The following NRG3 variants were observed in gnomAD, a reference collection of about 807,000 sequenced individuals.
NRG3 encodes pro-neuregulin-3, membrane-bound isoform.
NRG3 carries 31 observed loss-of-function variants against 66.9 expected under a neutral mutation model. That is an observed-to-expected ratio of 0.46 (90% confidence interval 0.35 to 0.63). The LOEUF is 0.63. NRG3 is among the 20% of genes least tolerant of loss of function. NRG3 has a pLI of 0.00. For missense variants in NRG3, 910 were observed against 878.9 expected, an observed-to-expected ratio of 1.04 and a Z score of -0.45; for synonymous variants, 393 against 359.4, an observed-to-expected ratio of 1.09 and a Z score of -1.06.
intron 1 of NRG3, among the ~76,000 whole-genome samples, chr10:82,237,827 T>C (rs1428219462): frequency 6.6e-6 from 1 of 152,196 alleles, no homozygotes; most frequent in Non-Finnish European, 1.5e-5. Flanking sequence ...AAATGATGCT[T>C]TTTCCAAATC....
chr10:81,938,637 GTGTGCA>G (rs1166245555), intron 1 of NRG3, among the ~76,000 whole-genome samples: 4 of 151,214 alleles, frequency 2.6e-5, no homozygotes, highest in Admixed American at 6.6e-5. Context: ...GTGTGTGTGT[GTGTGCA>G]TGCATGCATG....
At position 82,250,134 on chromosome 10, in the gene NRG3, A is replaced by C. The variant is rs940068423; in HGVS notation, c.824-108605A>C. Among the ~76,000 whole-genome samples, 7 of 152,218 alleles carry C rather than the reference A, an allele frequency of 4.6e-5. No homozygotes were observed. The East Asian group carries it at 1.3e-3, about 29-fold the overall frequency. ...AACATTTGACACTTTAGTAGTTTAT[A>C]AAGATAACCCAGGAAATAAAATTTC... is the stretch of plus-strand genomic sequence containing the variant. On this transcript the variant is annotated intron_variant, in intron 1 of 8. Coordinates refer to ENST00000372141, the MANE Select transcript of NRG3 (RefSeq NM_001010848.4).
chr10:82,595,896 A>G (rs1043185407), intron 2 of NRG3, among the ~76,000 whole-genome samples: 2 of 152,164 alleles, frequency 1.3e-5, no homozygotes, highest in African/African-American at 2.4e-5. Context: ...CTAGCCAACT[A>G]GGGACAGTTT....
At chr10:82,959,687 T>A (rs1850421241) in intron 6 of NRG3, among the ~76,000 whole-genome samples, 1 of 152,140 alleles carries the variant, frequency 6.6e-6, no homozygotes, top group Admixed American at 6.5e-5. Context: ...GCATGTTATG[T>A]TCAGAGAACT....
chr10:82,002,585 G>T (rs907261176), intron 1 of NRG3, among the ~76,000 whole-genome samples: 2 of 152,178 alleles, frequency 1.3e-5, no homozygotes, highest in Non-Finnish European at 2.9e-5. Context: ...CATGGTCCCA[G>T]TAAACCTTCC....
At chr10:82,084,495 A>G (rs1321150523) in intron 1 of NRG3, among the ~76,000 whole-genome samples, 3 of 118,538 alleles carry the variant, frequency 2.5e-5, no homozygotes, top group Non-Finnish European at 5.2e-5. Flanking sequence ...TTTGGGACAT[A>G]TATGAGATTT....
chr10:81,923,218 C>T (rs749037096), intron 1 of NRG3, among the ~76,000 whole-genome samples: 4 of 152,160 alleles, frequency 2.6e-5, no homozygotes, highest in African/African-American at 7.2e-5. Context: ...AGACTACCTA[C>T]CTGTGGGCAA....
chr10:82,426,894 A>G (rs1199031546), intron 2 of NRG3, among the ~76,000 whole-genome samples: 6 of 151,922 alleles, frequency 3.9e-5, no homozygotes, highest in Non-Finnish European at 8.8e-5. Context: ...CAAGCAATTC[A>G]TCCACCTCAG....
chr10:82,043,385 A>T (rs1048341911), intron 1 of NRG3, among the ~76,000 whole-genome samples: 1 of 152,070 alleles, frequency 6.6e-6, no homozygotes, highest in African/African-American at 2.4e-5. Context: ...TTTTTAAAAA[A>T]AGCTAAAATT....
chr10:81,902,098 C>T (rs1367026187), intron 1 of NRG3, among the ~76,000 whole-genome samples: 3 of 152,094 alleles, frequency 2.0e-5, no homozygotes, highest in South Asian at 2.1e-4. Context: ...GGGATCTCTG[C>T]GTATTTTGTG....
At chr10:82,630,301 G>C (rs543163124) in intron 2 of NRG3, among the ~76,000 whole-genome samples, 11 of 151,548 alleles carry the variant, frequency 7.3e-5, no homozygotes, top group African/African-American at 2.4e-4. Flanking sequence ...TTTCAAGATA[G>C]GGTTGTGTAA....
intron 4 of NRG3, among the ~76,000 whole-genome samples, chr10:82,885,863 A>AT (rs558501082): frequency 0.072 from 10,303 of 142,870 alleles, 379 homozygotes; most frequent in South Asian, 0.15. Flanking sequence ...CGCCTGGCCT[A>AT]TTTTTTTTTT....
rs961172316 is a variant in NRG3, at chr10:82,985,801, T to C, written c.*196T>C. ...GAAATGTTTCAGGAGGGATAAAGCTTACCATTAAAGCTTTTGGGTAGAATT... is the reference window on the plus strand; with the variant it reads ...GAAATGTTTCAGGAGGGATAAAGCTCACCATTAAAGCTTTTGGGTAGAATT... On this transcript the variant is annotated 3_prime_UTR_variant, in exon 9 of 9. Transcript: ENST00000372141. 4.9e-6 allele frequency: 3 copies of C among 606,254 alleles called. No individual in the cohort carries two copies. The highest frequency in any genetic ancestry group is 3.1e-5 in the East Asian group (1 of 32,366). The allele number at this position is 606,254 out of a possible 1,614,324, so 37.6% of individuals were successfully genotyped here. A position where few individuals can be genotyped will look rare whatever the true frequency, so the allele number is the denominator to read the frequency against.
intron 2 of NRG3, among the ~76,000 whole-genome samples, chr10:82,651,902 A>T (rs890189817): frequency 6.6e-6 from 1 of 152,202 alleles, no homozygotes; most frequent in African/African-American, 2.4e-5. Flanking sequence ...TTGAGGCAGG[A>T]TATTTCCCTG....
intron 3 of NRG3, among the ~76,000 whole-genome samples, chr10:82,772,195 A>T (rs941565091): frequency 1.8e-4 from 27 of 152,162 alleles, no homozygotes; most frequent in African/African-American, 6.5e-4. Flanking sequence ...TATGGGATAC[A>T]TACAGAGGGT....
chr10:81,998,480 A>G (rs910541684), intron 1 of NRG3, among the ~76,000 whole-genome samples: 13 of 152,112 alleles, frequency 8.5e-5, no homozygotes, highest in Non-Finnish European at 1.6e-4. Flanking sequence ...AGTGTGGACC[A>G]GTGGACATCT....
At chr10:82,234,843 T>C (rs1308131991) in intron 1 of NRG3, among the ~76,000 whole-genome samples, 1 of 152,226 alleles carries the variant, frequency 6.6e-6, no homozygotes, top group African/African-American at 2.4e-5. Flanking sequence ...TTACCTGCCA[T>C]GGTTGTGACC....
chr10:82,249,097 AT>A (rs1257272524), intron 1 of NRG3, among the ~76,000 whole-genome samples: 1 of 152,198 alleles, frequency 6.6e-6, no homozygotes, highest in Non-Finnish European at 1.5e-5. Context: ...CTCTGAAACT[AT>A]TAAGTAAAGG....
chr10:82,097,473 G>A (rs11192484), intron 1 of NRG3, among the ~76,000 whole-genome samples: 7,095 of 145,296 alleles, frequency 0.049, 203 homozygotes, highest in East Asian at 0.17. Context: ...ATATATATAT[G>A]TGATATGTAT....
Sources: allele counts gnomAD v4.1 joint callset (sites outside exome capture counted in the v4.1 genomes callset), GRCh38; gene constraint gnomAD v4.1.1; transcripts MANE v1.5; gene names NCBI Gene and HGNC (gene_info 2026-07-23, HGNC 2026-07-21).